MCPH1: variants seen among roughly 807,000 people sequenced by gnomAD.
The protein encoded by MCPH1 is microcephalin 1.
Under a neutral mutation model 84.5 loss-of-function variants are expected in MCPH1, and 104 were observed. That is an observed-to-expected ratio of 1.23 (90% CI 1.05 to 1.45). The LOEUF is 1.45. Among genes scored for constraint, MCPH1 ranks in the 40% most tolerant of loss-of-function variants. MCPH1 has a pLI of 0.00. For missense variants in MCPH1, 1,498 were observed against 1,005.7 expected (o/e 1.49, Z -6.62); for synonymous variants, 514 against 366.8 (o/e 1.40, Z -4.58).
intron 12 of MCPH1, among the ~76,000 whole-genome samples, chr8:6,570,058 A>C (rs566050060): frequency 6.6e-6 from 1 of 152,366 alleles, no homozygotes; most frequent in East Asian, 1.9e-4. Flanking sequence ...CATATTGTCT[A>C]AATGGATCAG....
chr8:6,463,877 A>C (rs566695422), intron 9 of MCPH1, among the ~76,000 whole-genome samples: 2 of 152,208 alleles, frequency 1.3e-5, no homozygotes, highest in South Asian at 4.1e-4. Flanking sequence ...GCTGTTTTCC[A>C]TTAGATGGTG....
chr8:6,535,892 C>CAAA lies in MCPH1; in HGVS notation c.2214+35976_2214+35978dup, dbSNP rs373792367. Among the ~76,000 whole-genome samples the CAAA allele has an allele frequency of 7.8e-3, 1,025 of 130,802 alleles. 12 individuals are homozygous for CAAA. Among genetic ancestry groups the CAAA allele is most frequent in the African/African-American group, 0.029 (993 of 34,366 alleles). The allele number at this position is 130,802 out of a possible 152,430, so 85.8% of individuals were successfully genotyped here. ...GTGAAACCCATCTCTACAAAAAATA[C>CAAA]AAAAAAAAAAAAAAATTAGCTTGGC... On this transcript the variant is annotated intron_variant, in intron 12 of 13. Coordinates refer to ENST00000344683, the MANE Select transcript of MCPH1 (RefSeq NM_024596.5).
rs114045272 is a variant in MCPH1, at chr8:6,497,474, C to T, written c.2137-2378C>T. Among the ~76,000 whole-genome samples, 1,398 of 152,194 alleles carry T rather than the reference C, an allele frequency of 9.2e-3. 19 individuals are homozygous for T. Among genetic ancestry groups the T allele is most frequent in the African/African-American group, 0.032 (1,316 of 41,510 alleles). ...CCAAGATTACACCACTGTACTCCAG[C>T]CTGGGCGACAGAGGAAGACTGTCTA... On this transcript the variant is annotated intron_variant, in intron 11 of 13. Transcript: ENST00000344683.
chr8:6,584,521 C>G (rs557193934), intron 12 of MCPH1, among the ~76,000 whole-genome samples: 1 of 152,302 alleles, frequency 6.6e-6, no homozygotes, highest in East Asian at 1.9e-4. Context: ...CACTTCACAT[C>G]TATAATAAAC....
At chr8:6,576,792 T>G (rs1827161333) in intron 12 of MCPH1, among the ~76,000 whole-genome samples, 1 of 134,372 alleles carries the variant, frequency 7.4e-6, no homozygotes, top group African/African-American at 2.7e-5. Flanking sequence ...AGGTGATCCG[T>G]CCGCAGGTGA....
chr8:6,524,196 T>G (rs1039462782), intron 12 of MCPH1, among the ~76,000 whole-genome samples: 2 of 152,182 alleles, frequency 1.3e-5, no homozygotes, highest in Non-Finnish European at 2.9e-5. Flanking sequence ...GACCTCATAT[T>G]CCCTTTTTTG....
At chr8:6,439,657 A>C (rs1309682629) in intron 6 of MCPH1, among the ~76,000 whole-genome samples, 1 of 152,114 alleles carries the variant, frequency 6.6e-6, no homozygotes, top group Non-Finnish European at 1.5e-5. Flanking sequence ...TCGGCCTCCC[A>C]AACGGCTGGG....
intron 1 of MCPH1, among the ~76,000 whole-genome samples, chr8:6,408,138 A>G (rs1368879828): frequency 6.6e-6 from 1 of 152,252 alleles, no homozygotes; most frequent in African/African-American, 2.4e-5. Flanking sequence ...AACTAATTTT[A>G]CAAATGTAAA....
intron 12 of MCPH1, among the ~76,000 whole-genome samples, chr8:6,576,255 G>A (rs557328384): frequency 5.5e-4 from 84 of 152,126 alleles, no homozygotes; most frequent in African/African-American, 1.7e-3. Context: ...ACTAAGGCTC[G>A]TTAATTGCAG....
chr8:6,567,830 C>T (rs1471562338), intron 12 of MCPH1, among the ~76,000 whole-genome samples: 2 of 152,218 alleles, frequency 1.3e-5, no homozygotes, highest in East Asian at 1.9e-4. Context: ...CCCTGCTGTA[C>T]TGACGGGACC....
chr8:6,455,934 A>G (rs1672452363), intron 9 of MCPH1, among the ~76,000 whole-genome samples: 1 of 152,194 alleles, frequency 6.6e-6, no homozygotes, highest in African/African-American at 2.4e-5. Context: ...GCAACAGATG[A>G]AAAGAATGAC....
At chr8:6,521,334 G>C in intron 12 of MCPH1, 3 of 1,613,668 alleles carry the variant, frequency 1.9e-6, no homozygotes, top group Non-Finnish European at 1.7e-6. Flanking sequence ...ACCTGTAGCT[G>C]ATCTTTCTCT....
intron 12 of MCPH1, among the ~76,000 whole-genome samples, chr8:6,583,908 A>T (rs928605879): frequency 2.6e-4 from 33 of 125,986 alleles, no homozygotes; most frequent in Non-Finnish European, 5.3e-4. Context: ...CTTCTGTTCT[A>T]AATTTTGCAT....
intron 12 of MCPH1, among the ~76,000 whole-genome samples, chr8:6,523,736 T>C (rs191653590): frequency 5.3e-5 from 8 of 152,178 alleles, no homozygotes; most frequent in Admixed American, 2.0e-4. Context: ...ATTACAGGTG[T>C]GCCACCACGC....
At chr8:6,508,247 C>T (rs1022918066) in intron 12 of MCPH1, 4 of 152,302 alleles carry the variant, frequency 2.6e-5, no homozygotes, top group Non-Finnish European at 4.4e-5. Flanking sequence ...GTCAGCAGTT[C>T]GAGACCAGCC....
At chr8:6,546,971 G>A (rs996361543) in intron 12 of MCPH1, among the ~76,000 whole-genome samples, 1 of 152,194 alleles carries the variant, frequency 6.6e-6, no homozygotes, top group Non-Finnish European at 1.5e-5. Context: ...GGTTAGTCCT[G>A]TCTTCTTTCA....
At chr8:6,443,063 G>A (rs1180907030) in intron 7 of MCPH1, among the ~76,000 whole-genome samples, 1 of 152,082 alleles carries the variant, frequency 6.6e-6, no homozygotes, top group Non-Finnish European at 1.5e-5. Flanking sequence ...GTTGTTGTAG[G>A]CACTCCTCTA....
At chr8:6,447,540 T>G (rs546157603) in intron 8 of MCPH1, 365 of 563,994 alleles carry the variant, frequency 6.5e-4, no homozygotes, top group Non-Finnish European at 7.7e-4. Context: ...ATTTTGGTTT[T>G]GTTTTGTTTT....
intron 11 of MCPH1, among the ~76,000 whole-genome samples, chr8:6,490,438 A>G (rs1810434679): frequency 6.6e-6 from 1 of 152,160 alleles, no homozygotes; most frequent in Non-Finnish European, 1.5e-5. Flanking sequence ...TCTAAACTCT[A>G]TCCCCAAGTT....
Sources: allele counts gnomAD v4.1 joint callset (sites outside exome capture counted in the v4.1 genomes callset), GRCh38; gene constraint gnomAD v4.1.1; transcripts MANE v1.5; gene names NCBI Gene and HGNC (gene_info 2026-07-23, HGNC 2026-07-21).